The following CIRBP variants were observed in gnomAD, a reference collection of about 807,000 sequenced individuals.
CIRBP encodes the protein cold inducible RNA binding protein, also known as cold-inducible RNA-binding protein.
Under a neutral mutation model 22.3 loss-of-function variants are expected in CIRBP, and 11 were observed. That is an observed-to-expected ratio of 0.49 (90% CI 0.31 to 0.82). The LOEUF (loss-of-function observed/expected upper bound fraction) is 0.82, where lower values mean the gene tolerates loss of function less well. Among genes scored for constraint, CIRBP ranks in the 40% least tolerant of loss-of-function variants. The pLI is 0.05. For missense variants in CIRBP, 456 were observed against 402.7 expected, an observed-to-expected ratio of 1.13 and a Z score of -1.13; for synonymous variants, 216 against 158.8, an observed-to-expected ratio of 1.36 and a Z score of -2.71.
In CIRBP at chr19:1,273,895, C is replaced by G. The variant is rs989263375; in HGVS notation, c.*1452C>G. 30 of 171,502 alleles carry G rather than the reference C, an allele frequency of 1.7e-4. No individual in the cohort carries two copies. The highest frequency in any genetic ancestry group is 6.9e-4 in the African/African-American group (29 of 42,182). The allele number at this position is 171,502 out of a possible 1,614,324, so 10.6% of individuals were successfully genotyped here. A position where few individuals can be genotyped will look rare whatever the true frequency, so the allele number is the denominator to read the frequency against. ...AGCCATTACGCTCCCCACGTGCAGCCAGGTGCAGCCTGGGCCCAGTCATGC... is the reference window on the plus strand; with the variant it reads ...AGCCATTACGCTCCCCACGTGCAGCGAGGTGCAGCCTGGGCCCAGTCATGC... On this transcript the variant is annotated 3_prime_UTR_variant, in exon 6 of 6. Transcript: ENST00000587896.
In CIRBP at chr19:1,271,399, G is replaced by A. The variant is rs377427240; in HGVS notation, c.281G>A (p.Arg94His). The A allele has an allele frequency of 1.2e-5, 19 of 1,613,730 alleles. No individual in the cohort carries two copies. Among genetic ancestry groups the A allele is most frequent in the Middle Eastern group, 1.6e-4 (1 of 6,084 alleles). Residue 94 changes from arginine (R) to histidine (H), a missense_variant, in exon 4 of 6, where the codon CGT becomes CAT. By Grantham distance (29) the Arg-to-His change is conservative (BLOSUM62 0). This residue lies in a region of CIRBP where 426 missense variants were observed against 339.6 expected (regional missense o/e 1.25). Coordinates refer to ENST00000587896, the MANE Select transcript of CIRBP (RefSeq NM_001300829.2). ...KSSDNRSRGY[R>H]GGSAGGRGFF... Reference sequence around the variant, plus strand: ...TCAGACAACCGATCCCGTGGGTACCGTGGTGGCTCTGCCGGGGGCCGGGGC... The same window carrying A: ...TCAGACAACCGATCCCGTGGGTACCATGGTGGCTCTGCCGGGGGCCGGGGC...
At position 1,273,077 on chromosome 19, in the gene CIRBP, A is replaced by C. The variant is rs1166525160; in HGVS notation, c.*634A>C. ...TCCTTTTTTACTGGAAGACGTACGC[A>C]TACTCCATCGATGTTGTATTTGCAG... is the stretch of plus-strand genomic sequence containing the variant. On this transcript the variant is annotated 3_prime_UTR_variant, in exon 6 of 6. Transcript: ENST00000587896. 6.6e-6 allele frequency: 1 copy of C among 152,276 alleles called. No homozygotes were observed. The highest frequency in any genetic ancestry group is 1.9e-4 in the East Asian group (1 of 5,206). 9.4% of individuals were successfully genotyped at this position (152,276 alleles called of 1,614,324 possible).
rs1190209336 is a variant in CIRBP at position 1,270,995 on chromosome 19, C to T, written c.62C>T (p.Ser21Leu). 8.7e-6 allele frequency: 14 copies of T among 1,614,022 alleles called. No homozygotes were observed. Among genetic ancestry groups the T allele is most frequent in the Middle Eastern group, 1.6e-4 (1 of 6,062 alleles). Residue 21 changes from serine (S) to leucine (L), a missense_variant, in exon 2 of 6, where the codon TCG (serine) becomes TTG (leucine). Coordinates refer to ENST00000587896, the MANE Select transcript of CIRBP (RefSeq NM_001300829.2). The stretch of plus-strand genomic sequence containing the variant: ...CTGAGTTTTGACACCAATGAGCAGT[C>T]GCTGGAGCAGGTCTTCTCAAAGTAC... ...GGLSFDTNEQ[S>L]LEQVFSKYGQ...
chr19:1,269,767 A>C, intron 1 of CIRBP: 2 of 457,476 alleles, frequency 4.4e-6, no homozygotes, highest in South Asian at 1.5e-5. Context: ...CCCGGTCTCC[A>C]GGGCCGCTTT....
chr19:1,271,955 G>T (rs1333527103), intron 5 of CIRBP, 26 bp from the exon 6 acceptor site: 4 of 1,586,602 alleles, frequency 2.5e-6, no homozygotes, highest in Non-Finnish European at 3.4e-6. Flanking sequence ...GTACCTTCCG[G>T]TACTCAACGT....
chr19:1,274,038 T>C lies in CIRBP; in HGVS notation c.*1595T>C, dbSNP rs1328622742. 2.1e-5 allele frequency: 7 copies of C among 334,554 alleles called. No homozygotes were observed. Among genetic ancestry groups the C allele is most frequent in the Non-Finnish European group, 3.8e-5 (7 of 185,648 alleles). The allele number at this position is 334,554 out of a possible 1,614,324, so 20.7% of individuals were successfully genotyped here. A position where few individuals can be genotyped will look rare whatever the true frequency, so the allele number is the denominator to read the frequency against. On this transcript the variant is annotated 3_prime_UTR_variant, in exon 6 of 6. Coordinates refer to ENST00000587896, the MANE Select transcript of CIRBP (RefSeq NM_001300829.2). ...ACCTCTTTAAGTCACACTCTTAACT[T>C]AGCTTTCTCTGATGTCTGTTGCCGC...
At position 1,272,491 on chromosome 19, in the gene CIRBP, G is replaced by A; in HGVS notation, c.*48G>A. On this transcript the variant is annotated 3_prime_UTR_variant, in exon 6 of 6. Transcript: ENST00000587896. ...TCCTTCCAATGGCTGTGTGTTTAAA[G>A]ATTGTGGGAGCTTCGCTGAACGTTA... 1.4e-6 allele frequency: 2 copies of A among 1,434,888 alleles called. No individual in the cohort carries two copies. The highest frequency in any genetic ancestry group is 1.9e-6 in the Non-Finnish European group (2 of 1,059,002). The allele number at this position is 1,434,888 out of a possible 1,614,324, so 88.9% of individuals were successfully genotyped here.
rs769533559 is a variant in CIRBP, at chr19:1,270,960, T to C, written c.27T>C (p.Phe9=). The C allele has an allele frequency of 2.5e-6, 4 of 1,614,056 alleles. No homozygotes were observed. In the East Asian group the frequency reaches 6.7e-5, roughly 27 times the overall value. Residue 9 remains phenylalanine, a synonymous_variant, in exon 2 of 6, where the codon TTT becomes TTC. Transcript: ENST00000587896. The stretch of plus-strand genomic sequence containing the variant: ...TGGCATCAGATGAAGGCAAACTTTT[T>C]GTTGGAGGGCTGAGTTTTGACACCA... The part of the protein sequence containing the change: MASDEGKL[F]VGGLSFDTNE...
intron 1 of CIRBP, among the ~76,000 whole-genome samples, chr19:1,269,670 G>A (rs1600013329): frequency 6.6e-6 from 1 of 151,908 alleles, no homozygotes; most frequent in South Asian, 2.1e-4. Flanking sequence ...CCAGCGAAAT[G>A]GCGGGAGCGC....
rs2081377239 is a variant in CIRBP at position 1,273,588 on chromosome 19, C to G, written c.*1145C>G. 1 of 152,248 alleles carries G rather than the reference C, an allele frequency of 6.6e-6. No individual in the cohort carries two copies. Among genetic ancestry groups the G allele is most frequent in the Admixed American group, 6.5e-5 (1 of 15,282 alleles). 9.4% of individuals were successfully genotyped at this position (152,248 alleles called of 1,614,324 possible). ...CTGCTGTTGCTTCACGAGTTCTGAG[C>G]ATTCTCTGCTAGCCTATGGAAGCTG... is the stretch of plus-strand genomic sequence containing the variant. On this transcript the variant is annotated 3_prime_UTR_variant, in exon 6 of 6. Coordinates refer to ENST00000587896, the MANE Select transcript of CIRBP (RefSeq NM_001300829.2).
At position 1,272,520 on chromosome 19, in the gene CIRBP, T is replaced by C. The variant is rs2081360408; in HGVS notation, c.*77T>C. On this transcript the variant is annotated 3_prime_UTR_variant, in exon 6 of 6. Transcript: ENST00000587896. The stretch of plus-strand genomic sequence containing the variant: ...GTGGGAGCTTCGCTGAACGTTAATG[T>C]GTAGTAAATGCACCTCCTTGTATTC... 5.0e-6 allele frequency: 6 copies of C among 1,200,380 alleles called. No homozygotes were observed. The highest frequency in any genetic ancestry group is 2.0e-4 in the Middle Eastern group (1 of 4,972). The allele number at this position is 1,200,380 out of a possible 1,614,324, so 74.4% of individuals were successfully genotyped here.
rs12488 is a variant in CIRBP, at chr19:1,272,041, T to C, written c.492T>C (p.Tyr164=). The change falls in exon 6 of 6, where the codon TAT becomes TAC. Residue 164 remains tyrosine, a synonymous_variant. Coordinates refer to ENST00000587896, the MANE Select transcript of CIRBP (RefSeq NM_001300829.2). ...RSSGGSYRDS[Y]DSYGKSHSEG... ...CGGGCGGGTCCTACAGAGACAGTTA[T>C]GACAGTTACGGTAAGTCACACTCCG... 1,242,303 of 1,613,862 alleles carry C rather than the reference T, an allele frequency of 0.77. 480,172 individuals carry two copies. Among genetic ancestry groups the C allele is most frequent in the East Asian group, 0.97 (43,663 of 44,878 alleles).
rs1600012004 is a variant in CIRBP at position 1,269,375 on chromosome 19, C to T, written c.-42C>T. ...GGCTCGGGTCGTTGTGGTGCGCTGT[C>T]TTCCCGCTTGCGTCAGGGACCTGCC... is the stretch of plus-strand genomic sequence containing the variant. On this transcript the variant is annotated 5_prime_UTR_variant, in exon 1 of 6. Transcript: ENST00000587896. The T allele has an allele frequency of 6.6e-6, 1 of 152,122 alleles. No homozygotes were observed. Among genetic ancestry groups the T allele is most frequent in the African/African-American group, 2.4e-5 (1 of 41,504 alleles). 9.4% of individuals were successfully genotyped at this position (152,122 alleles called of 1,614,324 possible).
intron 1 of CIRBP, chr19:1,269,930 ACGT>A: frequency 1.9e-6 from 1 of 519,960 alleles, no homozygotes; most frequent in South Asian, 1.4e-5. Flanking sequence ...CTCGTCTGCC[ACGT>A]CGTGCTTTGC....
chr19:1,271,523 T>C lies in CIRBP; in HGVS notation c.350-28T>C, dbSNP rs772384862. The stretch of plus-strand genomic sequence containing the variant: ...GCTGTGAGGTACTGCTGGTGGGAGC[T>C]GGTACTCACTTTTTCCTGTATGTGC... On this transcript the variant is annotated intron_variant, in intron 4 of 5. Coordinates refer to ENST00000587896, the MANE Select transcript of CIRBP (RefSeq NM_001300829.2). 1.9e-6 allele frequency: 3 copies of C among 1,598,100 alleles called. No homozygotes were observed. The Admixed American group carries it at 5.2e-5, about 28-fold the overall frequency.
At position 1,274,269 on chromosome 19, in the gene CIRBP, T is replaced by G. The variant is rs1452825905; in HGVS notation, c.*1826T>G. On this transcript the variant is annotated 3_prime_UTR_variant, in exon 6 of 6. Coordinates refer to ENST00000587896, the MANE Select transcript of CIRBP (RefSeq NM_001300829.2). Reference sequence around the variant, plus strand: ...CCGGGAGGGGCAGCTGTGAGCCCTGTGGAGGACGTTGGGAGTAACGCTGCT... The same window carrying G: ...CCGGGAGGGGCAGCTGTGAGCCCTGGGGAGGACGTTGGGAGTAACGCTGCT... 1 of 401,128 alleles carries G rather than the reference T, an allele frequency of 2.5e-6. No homozygotes were observed. The highest frequency in any genetic ancestry group is 4.4e-6 in the Non-Finnish European group (1 of 226,366). 24.8% of individuals were successfully genotyped at this position (401,128 alleles called of 1,614,324 possible). A position where few individuals can be genotyped will look rare whatever the true frequency, so the allele number is the denominator to read the frequency against.
intron 1 of CIRBP, 97 bp from the exon 2 acceptor site, chr19:1,270,831 T>G (rs1451126851): frequency 1.2e-6 from 1 of 829,448 alleles, no homozygotes; most frequent in Non-Finnish European, 2.0e-6. Context: ...TTTCTAATAT[T>G]TCCCCTAAAA....
Position 1,274,188 on chromosome 19 carries a change from A to T in CIRBP, c.*1745A>T. The T allele has an allele frequency of 2.5e-6, 1 of 397,802 alleles. No homozygotes were observed. The highest frequency in any genetic ancestry group is 4.4e-5 in the Admixed American group (1 of 22,674). 24.6% of individuals were successfully genotyped at this position (397,802 alleles called of 1,614,324 possible). On this transcript the variant is annotated 3_prime_UTR_variant, in exon 6 of 6. Coordinates refer to ENST00000587896, the MANE Select transcript of CIRBP (RefSeq NM_001300829.2). ...CTGGCCTGTGACGGAGCCTGAGGTC[A>T]CAGCCCCCTGACTAGCCTGAGACCT...
In CIRBP at chr19:1,271,452, C is replaced by G; in HGVS notation, c.334C>G (p.Arg112Gly). The change falls in exon 4 of 6, where the codon CGT becomes GGT. Residue 112 changes from arginine (R) to glycine (G), a missense_variant. Physicochemically the swap from Arg to Gly is moderately radical, Grantham distance 125. Transcript: ENST00000587896. ...GFFRGGRGRG[R>G]GFSRGGGDRG... is the part of the protein sequence containing the mutation. ...CTTCCGTGGGGGCCGAGGACGGGGC[C>G]GTGGGTTCTCTAGAGGTGAGTGCCA... 1.9e-6 allele frequency: 3 copies of G among 1,609,888 alleles called. No individual in the cohort carries two copies. Among genetic ancestry groups the G allele is most frequent in the Non-Finnish European group, 2.5e-6 (3 of 1,177,968 alleles).
Sources: gnomAD v4.1 joint callset for allele counts (sites outside exome capture counted in the v4.1 genomes callset) on GRCh38, gnomAD v4.1.1 for gene constraint, gnomAD v4.1.1 regional missense constraint, MANE v1.5 for transcripts, NCBI Gene and HGNC (gene_info 2026-07-23, HGNC 2026-07-21) for gene names.